The following MRTFA variants were observed in gnomAD, a reference collection of about 807,000 sequenced individuals.
MRTFA encodes myocardin-related transcription factor A.
MRTFA carries 20 observed loss-of-function variants against 83.5 expected under a neutral mutation model. That is an observed-to-expected ratio of 0.24 (90% CI 0.17 to 0.35). The LOEUF is 0.35. Among genes scored for constraint, MRTFA ranks in the 10% least tolerant of loss-of-function variants. The pLI is 1.00. For synonymous variants in MRTFA, 659 were observed against 541.2 expected (o/e 1.22, Z -3.02); for missense variants, 1,200 against 1,224.7 (o/e 0.98, Z 0.30).
intron 1 of MRTFA, among the ~76,000 whole-genome samples, chr22:40,611,708 A>G (rs1602494112): frequency 6.6e-6 from 1 of 152,324 alleles, no homozygotes; most frequent in East Asian, 1.9e-4. Flanking sequence ...AGTAATTTTT[A>G]AAGTTCTGTT....
chr22:40,479,968 T>A (rs1372130933), intron 3 of MRTFA, among the ~76,000 whole-genome samples: 2 of 152,166 alleles, frequency 1.3e-5, no homozygotes, highest in Non-Finnish European at 2.9e-5. Context: ...AAGAATAAGC[T>A]TATGAAAATC....
intron 5 of MRTFA, among the ~76,000 whole-genome samples, chr22:40,435,279 C>A (rs1157830230): frequency 6.6e-6 from 1 of 152,218 alleles, no homozygotes; most frequent in Admixed American, 6.5e-5. Flanking sequence ...TCATTCCAAT[C>A]ATGTTCCATA....
chr22:40,623,795 A>T (rs2056550301), intron 1 of MRTFA, among the ~76,000 whole-genome samples: 1 of 152,222 alleles, frequency 6.6e-6, no homozygotes. Flanking sequence ...TTTACCTCTC[A>T]CAACTATCTT....
At chr22:40,470,089 C>T (rs1014698239) in intron 3 of MRTFA, among the ~76,000 whole-genome samples, 14 of 150,628 alleles carry the variant, frequency 9.3e-5, no homozygotes, top group East Asian at 2.0e-4. Flanking sequence ...GCAAGCATGG[C>T]GGCGGGTGCC....
chr22:40,411,989 C>T (rs986426770), intron 14 of MRTFA, 82 bp from the exon 15 acceptor site: 12 of 1,176,660 alleles, frequency 1.0e-5, no homozygotes, highest in Non-Finnish European at 1.4e-5. Flanking sequence ...GTGGACCCCC[C>T]AACGTCACAC....
At chr22:40,500,870 G>A (rs1306421298) in intron 3 of MRTFA, among the ~76,000 whole-genome samples, 2 of 151,102 alleles carry the variant, frequency 1.3e-5, no homozygotes, top group South Asian at 2.1e-4. Context: ...CCACAAAGCC[G>A]CCATTGTCAT....
chr22:40,419,974 G>A (rs1170940317), intron 11 of MRTFA, among the ~76,000 whole-genome samples: 1 of 152,194 alleles, frequency 6.6e-6, no homozygotes, highest in Non-Finnish European at 1.5e-5. Flanking sequence ...GAAAATGCGG[G>A]CAGGGTTGCT....
intron 4 of MRTFA, among the ~76,000 whole-genome samples, chr22:40,457,765 T>C (rs2147142003): frequency 6.6e-6 from 1 of 152,344 alleles, no homozygotes; most frequent in East Asian, 1.9e-4. Flanking sequence ...GGGTTAACTG[T>C]AGCATTAGAA....
At chr22:40,500,221 G>A (rs946991380) in intron 3 of MRTFA, among the ~76,000 whole-genome samples, 5 of 149,668 alleles carry the variant, frequency 3.3e-5, no homozygotes, top group South Asian at 2.1e-4. Flanking sequence ...GAGCCACCGC[G>A]CCCGGCCCAG....
chr22:40,522,222 G>A (rs1349363365), intron 3 of MRTFA: 1 of 152,120 alleles, frequency 6.6e-6, no homozygotes, highest in Non-Finnish European at 1.5e-5. Flanking sequence ...TTAAACCAGA[G>A]TTAGAAAAAT....
chr22:40,613,424 G>A (rs775338065), intron 1 of MRTFA, among the ~76,000 whole-genome samples: 2 of 152,182 alleles, frequency 1.3e-5, no homozygotes, highest in Non-Finnish European at 2.9e-5. Context: ...ACTTTCCAAA[G>A]TGGCTGTACC....
chr22:40,431,586 G>A, intron 5 of MRTFA, 106 bp from the exon 6 acceptor site: 1 of 1,049,052 alleles, frequency 9.5e-7, no homozygotes, highest in South Asian at 1.3e-5. Flanking sequence ...GACCACCTCT[G>A]CAGTTCCCAC....
intron 2 of MRTFA, among the ~76,000 whole-genome samples, chr22:40,586,396 T>C (rs967023121): frequency 2.0e-5 from 3 of 152,162 alleles, no homozygotes; most frequent in Non-Finnish European, 4.4e-5. Flanking sequence ...ATAATGCCAA[T>C]CTTCTTTAAC....
intron 2 of MRTFA, chr22:40,587,909 G>T: frequency 4.8e-6 from 2 of 414,330 alleles, no homozygotes; most frequent in East Asian, 5.1e-5. Context: ...TGGTGGAATG[G>T]GAGCCTTGAA....
At chr22:40,502,750 C>G (rs1436557912) in intron 3 of MRTFA, among the ~76,000 whole-genome samples, 2 of 151,688 alleles carry the variant, frequency 1.3e-5, no homozygotes, top group East Asian at 1.9e-4. Flanking sequence ...CTTCTCCAGC[C>G]GCTGCCTCCC....
intron 2 of MRTFA, among the ~76,000 whole-genome samples, chr22:40,561,781 AT>A (rs2055621941): frequency 6.6e-6 from 1 of 152,208 alleles, no homozygotes; most frequent in African/African-American, 2.4e-5. Flanking sequence ...CTTCCTTCCC[AT>A]TAATGGTGGG....
At chr22:40,548,858 G>T (rs993730943) in intron 3 of MRTFA, among the ~76,000 whole-genome samples, 4 of 149,802 alleles carry the variant, frequency 2.7e-5, no homozygotes, top group African/African-American at 9.9e-5. Flanking sequence ...GTGAGACTCT[G>T]TCTCAAAAAT....
intron 2 of MRTFA, among the ~76,000 whole-genome samples, chr22:40,562,148 C>T (rs946121793): frequency 4.0e-5 from 6 of 149,932 alleles, no homozygotes; most frequent in Non-Finnish European, 7.4e-5. Flanking sequence ...ACCCGGGAGG[C>T]GGAGCTTCCA....
chr22:40,463,206 G>A lies in MRTFA; in HGVS notation c.307+15C>T. 6.2e-7 allele frequency: 1 copy of A among 1,606,980 alleles called. No homozygotes were observed. The highest frequency in any genetic ancestry group is 1.4e-5 in the African/African-American group (1 of 69,542). Reference sequence around the variant, plus strand: ...AAAAGCAATCTACCAAATGCTGAGAGAGAGAGGCACTTACGCGGCATGATC... The same window carrying A: ...AAAAGCAATCTACCAAATGCTGAGAAAGAGAGGCACTTACGCGGCATGATC... On this transcript the variant is annotated intron_variant, in intron 4 of 14. Transcript: ENST00000355630.
Sources: gnomAD v4.1 joint callset for allele counts (sites outside exome capture counted in the v4.1 genomes callset) on GRCh38, gnomAD v4.1.1 for gene constraint, MANE v1.5 for transcripts, NCBI Gene and HGNC (gene_info 2026-07-23, HGNC 2026-07-21) for gene names.